The following GREB1 variants were observed in gnomAD, a reference collection of about 807,000 sequenced individuals.
The protein encoded by GREB1 is growth regulating estrogen receptor binding 1.
In GREB1, 106 loss-of-function variants were observed where a neutral mutation model predicts 200.7. The ratio of observed to expected loss-of-function variants is 0.53; its 90% CI spans 0.45 to 0.62. GREB1 has a LOEUF of 0.62. Among genes scored for constraint, GREB1 ranks in the 20% least tolerant of loss-of-function variants. GREB1 has a pLI of 0.00. For synonymous variants in GREB1, 1,132 were observed against 1,092.4 expected (o/e 1.04, Z -0.72); for missense variants, 2,243 against 2,556.8 (o/e 0.88, Z 2.65).
At chr2:11,630,531 A>G (rs1572202369) in intron 26 of GREB1, among the ~76,000 whole-genome samples, 1 of 152,276 alleles carries the variant, frequency 6.6e-6, no homozygotes, top group African/African-American at 2.4e-5. Flanking sequence ...TTAGGTAGAT[A>G]GGACAGCACA....
intron 17 of GREB1, among the ~76,000 whole-genome samples, chr2:11,610,126 CTG>C (rs1682787105): frequency 6.6e-6 from 1 of 152,168 alleles, no homozygotes; most frequent in Non-Finnish European, 1.5e-5. Context: ...GAAGCAAAAA[CTG>C]GGATTCTTGA....
At chr2:11,516,466 C>T (rs750633071) in intron 1 of GREB1, among the ~76,000 whole-genome samples, 5 of 152,136 alleles carry the variant, frequency 3.3e-5, no homozygotes, top group Non-Finnish European at 7.3e-5. Context: ...AGTGCATCCT[C>T]GAATGTCTTC....
At chr2:11,602,949 C>T (rs535464320) in intron 17 of GREB1, among the ~76,000 whole-genome samples, 1 of 152,296 alleles carries the variant, frequency 6.6e-6, no homozygotes, top group East Asian at 1.9e-4. Flanking sequence ...CTTCCATGGA[C>T]TTTACTTTCA....
chr2:11,547,050 T>C (rs971343004), intron 1 of GREB1, among the ~76,000 whole-genome samples: 6 of 151,758 alleles, frequency 4.0e-5, no homozygotes, highest in African/African-American at 1.5e-4. Context: ...GCTCAAGTGA[T>C]TCTCCTGCCT....
intron 23 of GREB1, among the ~76,000 whole-genome samples, chr2:11,623,403 G>A (rs1052679827): frequency 3.3e-5 from 5 of 152,108 alleles, no homozygotes; most frequent in Non-Finnish European, 5.9e-5. Context: ...GAACAGCCTC[G>A]GGCAGGTCCT....
chr2:11,539,147 G>A (rs1020350323), intron 1 of GREB1, among the ~76,000 whole-genome samples: 34 of 151,176 alleles, frequency 2.2e-4, no homozygotes, highest in African/African-American at 8.3e-4. Flanking sequence ...CTGCCTCCTG[G>A]GCTCAAGCGA....
chr2:11,606,285 G>A (rs183105986), intron 17 of GREB1, among the ~76,000 whole-genome samples: 10 of 152,298 alleles, frequency 6.6e-5, no homozygotes, highest in Non-Finnish European at 1.0e-4. Context: ...GTCAGCTGTC[G>A]TTCATTTTAC....
chr2:11,572,560 C>T (rs921233095), intron 4 of GREB1, among the ~76,000 whole-genome samples: 1 of 152,088 alleles, frequency 6.6e-6, no homozygotes, highest in Non-Finnish European at 1.5e-5. Flanking sequence ...ATGGTTGGAA[C>T]ATGGAAACCC....
At chr2:11,526,160 T>A (rs534773668) in intron 1 of GREB1, among the ~76,000 whole-genome samples, 15 of 152,340 alleles carry the variant, frequency 9.8e-5, no homozygotes, top group Admixed American at 8.5e-4. Flanking sequence ...TTATGAATGG[T>A]CTTAAACATT....
chr2:11,616,631 G>A lies in GREB1; in HGVS notation c.3323G>A (p.Gly1108Asp). ...DNEDEELGTE[G>D]STSEKRSPMK... is the part of the protein sequence containing the mutation. ...TCTCAGCGTGTGTGTTTTGGAACAGGCTCTACCTCGGAGAAGAGAAGCCCC... is the reference window on the plus strand; with the variant it reads ...TCTCAGCGTGTGTGTTTTGGAACAGACTCTACCTCGGAGAAGAGAAGCCCC... Residue 1108 changes from glycine (G) to aspartate (D), a missense_variant and splice_region_variant, in exon 21 of 33, where the codon GGC becomes GAC. Gly to Asp is a moderately conservative substitution (Grantham distance 94). Around this residue, in one of 3 missense-constraint regions of GREB1, gnomAD observed 587 missense variants for 553.1 expected, o/e 1.06. Coordinates refer to ENST00000381486, the MANE Select transcript of GREB1 (RefSeq NM_014668.4). The A allele has an allele frequency of 6.3e-7, 1 of 1,598,136 alleles. No individual in the cohort carries two copies. The highest frequency in any genetic ancestry group is 2.2e-5 in the East Asian group (1 of 44,824).
At chr2:11,605,174 T>TTTTTTTTC in intron 17 of GREB1, among the ~76,000 whole-genome samples, 1 of 141,972 alleles carries the variant, frequency 7.0e-6, no homozygotes, top group Non-Finnish European at 1.5e-5. Context: ...TTTTTTTTTT[T>TTTTTTTTC]TTACGCAGCA....
chr2:11,522,251 T>G (rs980370745), intron 1 of GREB1, among the ~76,000 whole-genome samples: 2 of 152,174 alleles, frequency 1.3e-5, no homozygotes, highest in Admixed American at 1.3e-4. Context: ...ATGCCTAGTG[T>G]TCCATTATTG....
At chr2:11,501,905 GT>G (rs1204074491) in intron 1 of GREB1, among the ~76,000 whole-genome samples, 6 of 61,600 alleles carry the variant, frequency 9.7e-5, no homozygotes, top group Non-Finnish European at 1.7e-4. Context: ...GTTTTTTTTT[GT>G]TTTTTTTTTT....
At position 11,585,781 on chromosome 2, in the gene GREB1, C is replaced by T. The variant is rs146340653; in HGVS notation, c.1035C>T (p.Cys345=). The part of the protein sequence containing the change: ...RAKYESAGMS[C]VPQVGLVGPA... The stretch of plus-strand genomic sequence containing the variant: ...TCCTAGAGAGCGCAGGCATGTCCTG[C>T]GTGCCGCAGGTTGGCTTGGTGGGAC... Residue 345 remains cysteine (C), a synonymous_variant, in exon 9 of 33, where the codon TGC becomes TGT. Transcript: ENST00000381486. 1.8e-4 allele frequency: 294 copies of T among 1,613,186 alleles called. No individual in the cohort carries two copies. Among genetic ancestry groups the T allele is most frequent in the African/African-American group, 3.5e-4 (26 of 74,930 alleles).
chr2:11,541,510 T>C (rs1428477334), intron 1 of GREB1, among the ~76,000 whole-genome samples: 1 of 152,078 alleles, frequency 6.6e-6, no homozygotes, highest in Non-Finnish European at 1.5e-5. Context: ...CAGACCCCCA[T>C]GCACTACTCT....
At position 11,615,307 on chromosome 2, in the gene GREB1, C is replaced by CTTTGCTTGTTTATTTCCTCTGTGAA; in HGVS notation, c.3322+18_3322+19insTTGCTTGTTTATTTCCTCTGTGAAT. ...GGACAGAAGGTGAGGGATGGCTGCCCTCAGCCTACTTGTCCCTGTCTGCAT... is the reference window on the plus strand; with the variant it reads ...GGACAGAAGGTGAGGGATGGCTGCCCTTTGCTTGTTTATTTCCTCTGTGAATCAGCCTACTTGTCCCTGTCTGCAT... On this transcript the variant is annotated intron_variant, in intron 20 of 32. Coordinates refer to ENST00000381486, the MANE Select transcript of GREB1 (RefSeq NM_014668.4). 3 of 1,554,800 alleles carry CTTTGCTTGTTTATTTCCTCTGTGAA rather than the reference C, an allele frequency of 1.9e-6. No homozygotes were observed. Among genetic ancestry groups the CTTTGCTTGTTTATTTCCTCTGTGAA allele is most frequent in the Non-Finnish European group, 1.7e-6 (2 of 1,146,016 alleles).
At position 11,610,938 on chromosome 2, in the gene GREB1, C is replaced by T. The variant is rs1033548852; in HGVS notation, c.2917C>T (p.Arg973Trp). ...AYERLAHVRA[R>W]LALEEHFEII... ...TGAGCGGCTGGCCCACGTGCGGGCC[C>T]GGCTGGCGCTGGAGGAGCACTTTGA... The change falls in exon 18 of 33, where the codon CGG (arginine) becomes TGG (tryptophan). Residue 973 changes from arginine to tryptophan, a missense_variant. Arg to Trp is a moderately radical substitution (Grantham distance 101, BLOSUM62 -3). Transcript: ENST00000381486. The T allele has an allele frequency of 2.5e-6, 4 of 1,611,112 alleles. No homozygotes were observed. The highest frequency in any genetic ancestry group is 1.1e-5 in the South Asian group (1 of 90,828).
At chr2:11,617,711 C>T (rs902954744) in intron 21 of GREB1, among the ~76,000 whole-genome samples, 1 of 152,140 alleles carries the variant, frequency 6.6e-6, no homozygotes, top group Non-Finnish European at 1.5e-5. Flanking sequence ...GCGGTGGCCG[C>T]AGGCTCCTGT....
intron 7 of GREB1, among the ~76,000 whole-genome samples, chr2:11,583,546 C>A (rs753403518): frequency 6.6e-6 from 1 of 152,116 alleles, no homozygotes; most frequent in Non-Finnish European, 1.5e-5. Context: ...CAATGATTCT[C>A]ACCCTGCAGC....
Sources: allele counts gnomAD v4.1 joint callset (sites outside exome capture counted in the v4.1 genomes callset), GRCh38; gene constraint gnomAD v4.1.1; regional missense constraint gnomAD v4.1.1; transcripts MANE v1.5; gene names NCBI Gene and HGNC (gene_info 2026-07-23, HGNC 2026-07-21).